The following VDAC2 variants were observed in gnomAD, a reference collection of about 807,000 sequenced individuals.
VDAC2 encodes non-selective voltage-gated ion channel VDAC2.
VDAC2 carries 6 observed loss-of-function variants against 36.6 expected under a neutral mutation model. The ratio of observed to expected loss-of-function variants is 0.16; its 90% CI spans 0.09 to 0.32. VDAC2 has a LOEUF of 0.32. Ranked by LOEUF, VDAC2 falls within the 10% of genes least tolerant of loss-of-function variation. VDAC2 has a pLI of 1.00. For synonymous variants in VDAC2, 109 were observed against 123.8 expected, an observed-to-expected ratio of 0.88 and a Z score of 0.79; for missense variants, 247 against 346.0, an observed-to-expected ratio of 0.71 and a Z score of 2.27.
intron 3 of VDAC2, among the ~76,000 whole-genome samples, 155 bp downstream of exon 3, chr10:75,212,453 C>T (rs747101422): frequency 1.3e-5 from 2 of 152,200 alleles, no homozygotes; most frequent in Non-Finnish European, 2.9e-5. Context: ...CCCTCTGTTG[C>T]CCAGGCTGGA....
At chr10:75,224,975 C>G (rs1841912884) in intron 8 of VDAC2, among the ~76,000 whole-genome samples, 1 of 152,176 alleles carries the variant, frequency 6.6e-6, no homozygotes, top group African/African-American at 2.4e-5. Context: ...CTAATTCTTA[C>G]TGATCTGTAA....
intron 8 of VDAC2, among the ~76,000 whole-genome samples, chr10:75,229,100 G>A (rs1350626043): frequency 6.6e-6 from 1 of 152,018 alleles, no homozygotes; most frequent in African/African-American, 2.4e-5. Flanking sequence ...AGAGGTGTAA[G>A]AATGTGAGGA....
At chr10:75,219,628 G>T (rs1474134386) in intron 6 of VDAC2, among the ~76,000 whole-genome samples, 1 of 152,010 alleles carries the variant, frequency 6.6e-6, no homozygotes, top group Non-Finnish European at 1.5e-5. Flanking sequence ...GGGACTACAG[G>T]TGCGTGCCAC....
Position 75,220,989 on chromosome 10 carries a change from G to T in VDAC2, c.584+19G>T, listed in dbSNP as rs1165335198. 2 of 1,604,162 alleles carry T rather than the reference G, an allele frequency of 1.2e-6. No homozygotes were observed. Among genetic ancestry groups the T allele is most frequent in the Admixed American group, 3.4e-5 (2 of 59,680 alleles). ...CTAATGTGTAAGTATTTCTTTCATA[G>T]GATACTGTGATGTGGGCCCTCAGAG... is the stretch of plus-strand genomic sequence containing the variant. On this transcript the variant is annotated intron_variant, in intron 7 of 9. Transcript: ENST00000332211.
At chr10:75,225,601 G>A (rs2132277222) in intron 8 of VDAC2, among the ~76,000 whole-genome samples, 1 of 152,220 alleles carries the variant, frequency 6.6e-6, no homozygotes, top group African/African-American at 2.4e-5. Flanking sequence ...TTAGATATTT[G>A]CCAGCGAGCC....
intron 8 of VDAC2, 23 bp downstream of exon 8, chr10:75,222,425 A>C: frequency 6.2e-7 from 1 of 1,612,940 alleles, no homozygotes; most frequent in Non-Finnish European, 8.5e-7. Context: ...GTGGACTTAG[A>C]ATGGGGGTTT....
chr10:75,221,905 C>T (rs1156670135), intron 7 of VDAC2, among the ~76,000 whole-genome samples: 1 of 152,164 alleles, frequency 6.6e-6, no homozygotes, highest in Non-Finnish European at 1.5e-5. Flanking sequence ...ACAATCATGC[C>T]AGCTAGGTAT....
chr10:75,211,353 G>A (rs896109964), intron 2 of VDAC2, 164 bp downstream of exon 2: 139 of 1,388,028 alleles, frequency 1.0e-4, no homozygotes, highest in Non-Finnish European at 1.3e-4. Flanking sequence ...GAGGGGCTGG[G>A]CTGCTGGATT....
chr10:75,227,144 C>T (rs1335448425), intron 8 of VDAC2, among the ~76,000 whole-genome samples: 1 of 152,178 alleles, frequency 6.6e-6, no homozygotes, highest in Non-Finnish European at 1.5e-5. Context: ...ATATAAGTAT[C>T]TTTTCATCTG....
intron 6 of VDAC2, among the ~76,000 whole-genome samples, chr10:75,220,351 C>T (rs955814835): frequency 6.6e-6 from 1 of 151,136 alleles, no homozygotes; most frequent in Non-Finnish European, 1.5e-5. Flanking sequence ...TCAGGTGATC[C>T]GCCCGCCTCA....
At chr10:75,224,104 G>C (rs1841892952) in intron 8 of VDAC2, among the ~76,000 whole-genome samples, 1 of 152,206 alleles carries the variant, frequency 6.6e-6, no homozygotes, top group South Asian at 2.1e-4. Flanking sequence ...GAGGTGCCAG[G>C]TCAGAAGCAG....
At chr10:75,219,707 AC>A (rs1841744097) in intron 6 of VDAC2, among the ~76,000 whole-genome samples, 1 of 147,054 alleles carries the variant, frequency 6.8e-6, no homozygotes, top group South Asian at 2.1e-4. Context: ...CTGTCCTGGA[AC>A]TCCTGACCTC....
rs1484833955 is a variant in VDAC2, at chr10:75,219,085, C to G, written c.173C>G (p.Ser58Cys). Residue 58 changes from serine (S) to cysteine (C), a missense_variant, in exon 5 of 10, where the codon TCT (serine) becomes TGT (cysteine). This residue lies in a region of VDAC2 where 76 missense variants were observed against 76.9 expected (regional missense o/e 0.99). Coordinates refer to ENST00000332211, the MANE Select transcript of VDAC2 (RefSeq NM_001391963.1). ...TAGGAATTTTCAACGTCCGGTTCAT[C>G]TAATACAGACACTGGTAAAGTTACT... The part of the protein sequence containing the change: ...SGVEFSTSGS[S>C]NTDTGKVTGT... 1 of 1,609,702 alleles carries G rather than the reference C, an allele frequency of 6.2e-7. No homozygotes were observed. Among genetic ancestry groups the G allele is most frequent in the Non-Finnish European group, 8.5e-7 (1 of 1,178,994 alleles).
At chr10:75,222,767 A>G (rs1314299501) in intron 8 of VDAC2, among the ~76,000 whole-genome samples, 1 of 152,086 alleles carries the variant, frequency 6.6e-6, no homozygotes, top group Non-Finnish European at 1.5e-5. Context: ...CAGTGGCACA[A>G]TCACGACTCC....
chr10:75,222,672 AGC>A (rs1227248605), intron 8 of VDAC2, among the ~76,000 whole-genome samples: 1 of 152,152 alleles, frequency 6.6e-6, no homozygotes, highest in African/African-American at 2.4e-5. Flanking sequence ...GTCCAGGTAT[AGC>A]TGGTGTTTGG....
Position 75,231,086 on chromosome 10 carries a change from T to G in VDAC2, c.*97T>G. On this transcript the variant is annotated 3_prime_UTR_variant, in exon 10 of 10. Coordinates refer to ENST00000332211, the MANE Select transcript of VDAC2 (RefSeq NM_001391963.1). ...AGCAGGCTTTTTTCCCCCAAGAAGATGATCAAAACAAAGGATGATCTCAAC... is the reference window on the plus strand; with the variant it reads ...AGCAGGCTTTTTTCCCCCAAGAAGAGGATCAAAACAAAGGATGATCTCAAC... The G allele has an allele frequency of 1.2e-6, 1 of 839,710 alleles. No homozygotes were observed. The highest frequency in any genetic ancestry group is 1.9e-6 in the Non-Finnish European group (1 of 530,944). The allele number at this position is 839,710 out of a possible 1,614,324, so 52.0% of individuals were successfully genotyped here.
intron 3 of VDAC2, among the ~76,000 whole-genome samples, chr10:75,213,088 T>G (rs1376258117): frequency 1.3e-5 from 2 of 150,970 alleles, no homozygotes; most frequent in Admixed American, 6.6e-5. Flanking sequence ...TTTGTTTTTG[T>G]TTTTTTTTGA....
At chr10:75,221,019 AT>A in intron 7 of VDAC2, 49 bp downstream of exon 7, 5 of 1,541,626 alleles carry the variant, frequency 3.2e-6, no homozygotes, top group Non-Finnish European at 4.4e-6. Flanking sequence ...TCAGAGGATG[AT>A]TTTGATGTCT....
At chr10:75,229,775 T>C in intron 9 of VDAC2, 74 bp downstream of exon 9, 2 of 1,217,722 alleles carry the variant, frequency 1.6e-6, no homozygotes, top group Non-Finnish European at 2.3e-6. Flanking sequence ...AGCTTACTTT[T>C]CAGACCTTTC....
Sources: gnomAD v4.1 joint callset for allele counts (sites outside exome capture counted in the v4.1 genomes callset) on GRCh38, gnomAD v4.1.1 for gene constraint, gnomAD v4.1.1 regional missense constraint, MANE v1.5 for transcripts, NCBI Gene and HGNC (gene_info 2026-07-23, HGNC 2026-07-21) for gene names.